The following KCNH1 variants were observed in gnomAD, a reference collection of about 807,000 sequenced individuals.
KCNH1 encodes voltage-gated delayed rectifier potassium channel KCNH1.
In KCNH1, 27 loss-of-function variants were observed where a neutral mutation model predicts 69.2. The ratio of observed to expected loss-of-function variants is 0.39; its 90% CI spans 0.29 to 0.54. The LOEUF (loss-of-function observed/expected upper bound fraction) is 0.54, where lower values mean the gene tolerates loss of function less well. Among genes scored for constraint, KCNH1 ranks in the 20% least tolerant of loss-of-function variants. The pLI, the probability that KCNH1 is intolerant of heterozygous loss-of-function variation, is 0.68. For synonymous variants in KCNH1, 456 were observed against 487.7 expected (o/e 0.93, Z 0.86); for missense variants, 798 against 1,261.6 (o/e 0.63, Z 5.57).
rs1684481067 is a variant in KCNH1 at position 210,804,057 on chromosome 1, C to T, written c.1572G>A (p.Lys524=). The change falls in exon 8 of 11, where the codon AAG becomes AAA. Residue 524 remains lysine, a synonymous_variant. Transcript: ENST00000271751. ...EMLNSVRDFL[K]LYQVPKGLSE... ...TCAATCCTTTTGGCACCTGGTAGAG[C>T]TTCAGGAAGTCCCGAACACTGTTGA... 1 of 1,614,196 alleles carries T rather than the reference C, an allele frequency of 6.2e-7. No homozygotes were observed. The highest frequency in any genetic ancestry group is 1.7e-5 in the Admixed American group (1 of 60,028).
chr1:210,681,436 A>G lies in KCNH1; in HGVS notation c.*1845T>C, dbSNP rs919475843. 3 of 152,252 alleles carry G rather than the reference A, an allele frequency of 2.0e-5. No individual in the cohort carries two copies. Among genetic ancestry groups the G allele is most frequent in the Non-Finnish European group, 2.9e-5 (2 of 68,060 alleles). The allele number at this position is 152,252 out of a possible 1,614,324, so 9.4% of individuals were successfully genotyped here. On this transcript the variant is annotated 3_prime_UTR_variant, in exon 11 of 11. Coordinates refer to ENST00000271751, the MANE Select transcript of KCNH1 (RefSeq NM_172362.3). ...CTGTAAGCCTGATGTGAGAAGCTAC[A>G]TATGAGGTTAGGGCTCATGGAGCAG... is the stretch of plus-strand genomic sequence containing the variant.
intron 6 of KCNH1, among the ~76,000 whole-genome samples, chr1:210,937,974 C>G (rs918402978): frequency 1.3e-5 from 2 of 152,194 alleles, no homozygotes; most frequent in Non-Finnish European, 2.9e-5. Context: ...CACTAATGAC[C>G]TGCAAATCTA....
intron 7 of KCNH1, among the ~76,000 whole-genome samples, chr1:210,819,205 C>CT (rs1462600482): frequency 6.6e-6 from 1 of 152,072 alleles, no homozygotes; most frequent in East Asian, 1.9e-4. Flanking sequence ...GATACAGCAA[C>CT]TTTTTCCTAG....
At chr1:210,741,086 T>C (rs1414567238) in intron 10 of KCNH1, among the ~76,000 whole-genome samples, 2 of 152,222 alleles carry the variant, frequency 1.3e-5, no homozygotes, top group Admixed American at 6.5e-5. Flanking sequence ...TCATTTAAAT[T>C]GGTCCACTGC....
At chr1:210,985,523 C>A (rs1571552616) in intron 6 of KCNH1, among the ~76,000 whole-genome samples, 1 of 152,068 alleles carries the variant, frequency 6.6e-6, no homozygotes, top group East Asian at 1.9e-4. Context: ...TTTATTTCTG[C>A]CTTCATTTCG....
chr1:210,687,450 T>G (rs993603492), intron 10 of KCNH1, among the ~76,000 whole-genome samples: 12 of 152,178 alleles, frequency 7.9e-5, no homozygotes, highest in Admixed American at 5.9e-4. Flanking sequence ...CAAAGTGTCA[T>G]CTTAGGCTGC....
intron 5 of KCNH1, among the ~76,000 whole-genome samples, chr1:211,049,909 T>C (rs1273836895): frequency 2.0e-5 from 3 of 152,114 alleles, no homozygotes; most frequent in African/African-American, 7.2e-5. Context: ...GTCATCTCCC[T>C]GGACAGTGGC....
intron 7 of KCNH1, among the ~76,000 whole-genome samples, chr1:210,845,772 A>G (rs971137654): frequency 6.6e-6 from 1 of 152,176 alleles, no homozygotes; most frequent in Admixed American, 6.5e-5. Flanking sequence ...TCAATTAGGA[A>G]AAGAGGAAGT....
intron 7 of KCNH1, among the ~76,000 whole-genome samples, chr1:210,841,145 T>C (rs1438640835): frequency 1.3e-5 from 2 of 152,194 alleles, no homozygotes. Flanking sequence ...TCCTGTTAAA[T>C]ACCCTTTAAC....
chr1:211,090,093 A>T (rs1691026034), intron 4 of KCNH1, among the ~76,000 whole-genome samples: 1 of 152,226 alleles, frequency 6.6e-6, no homozygotes, highest in African/African-American at 2.4e-5. Flanking sequence ...AAATGAATTA[A>T]CCGGTCACAG....
At chr1:211,118,479 G>A (rs140882730) in intron 1 of KCNH1, among the ~76,000 whole-genome samples, 8 of 152,266 alleles carry the variant, frequency 5.3e-5, no homozygotes, top group Middle Eastern at 6.8e-3. Context: ...TTCTACTGCC[G>A]CCTTCTGATG....
At chr1:210,992,959 C>T (rs1688962167) in intron 6 of KCNH1, among the ~76,000 whole-genome samples, 1 of 152,108 alleles carries the variant, frequency 6.6e-6, no homozygotes, top group Non-Finnish European at 1.5e-5. Context: ...AGGGAGAGGA[C>T]AAGCTGTCTC....
At chr1:210,974,594 C>T (rs920404219) in intron 6 of KCNH1, among the ~76,000 whole-genome samples, 1 of 128,612 alleles carries the variant, frequency 7.8e-6, no homozygotes, top group Non-Finnish European at 1.6e-5. Context: ...GATGGAGTCT[C>T]ACTCTGTCAC....
intron 3 of KCNH1, among the ~76,000 whole-genome samples, chr1:211,102,876 G>A (rs1691284915): frequency 6.6e-6 from 1 of 152,270 alleles, no homozygotes; most frequent in East Asian, 1.9e-4. Flanking sequence ...AGCCTTGCTA[G>A]GCCCATATGC....
intron 6 of KCNH1, among the ~76,000 whole-genome samples, chr1:211,002,167 C>T (rs558082452): frequency 6.6e-5 from 10 of 151,356 alleles, no homozygotes; most frequent in African/African-American, 1.5e-4. Flanking sequence ...CTGCACGTTG[C>T]GCACATGTAC....
At chr1:210,991,905 T>C (rs1688945915) in intron 6 of KCNH1, among the ~76,000 whole-genome samples, 1 of 152,226 alleles carries the variant, frequency 6.6e-6, no homozygotes, top group Admixed American at 6.5e-5. Context: ...CCTCCCCTTT[T>C]AGTCAAGGCT....
intron 5 of KCNH1, among the ~76,000 whole-genome samples, chr1:211,040,832 T>C (rs775069602): frequency 5.3e-5 from 8 of 152,128 alleles, no homozygotes; most frequent in Non-Finnish European, 1.2e-4. Flanking sequence ...TGGTCACATA[T>C]CTACAAATCA....
intron 10 of KCNH1, among the ~76,000 whole-genome samples, chr1:210,769,519 T>G (rs1403981331): frequency 6.6e-6 from 1 of 152,160 alleles, no homozygotes; most frequent in Non-Finnish European, 1.5e-5. Flanking sequence ...AAATTCATCC[T>G]GGAACAAATT....
intron 7 of KCNH1, among the ~76,000 whole-genome samples, chr1:210,810,287 TCCTG>T (rs1038646647): frequency 6.6e-6 from 1 of 152,182 alleles, no homozygotes; most frequent in African/African-American, 2.4e-5. Context: ...GGATCCCTTG[TCCTG>T]CATATTATAA....
Sources: allele counts gnomAD v4.1 joint callset (sites outside exome capture counted in the v4.1 genomes callset), GRCh38; gene constraint gnomAD v4.1.1; transcripts MANE v1.5; gene names NCBI Gene and HGNC (gene_info 2026-07-23, HGNC 2026-07-21).